DENND1B: variants seen among roughly 807,000 people sequenced by gnomAD.
DENND1B encodes the protein DENN domain containing 1B, also known as DENN domain-containing protein 1B.
Under a neutral mutation model 90.1 loss-of-function variants are expected in DENND1B, and 59 were observed. The ratio of observed to expected loss-of-function variants is 0.65; its 90% CI spans 0.53 to 0.81. The LOEUF is 0.81. DENND1B is among the 40% of genes least tolerant of loss of function. The pLI is 0.00. For synonymous variants in DENND1B, 337 were observed against 324.6 expected, an observed-to-expected ratio of 1.04 and a Z score of -0.41; for missense variants, 862 against 912.6, an observed-to-expected ratio of 0.94 and a Z score of 0.71.
At chr1:197,750,264 A>T (rs997657207) in intron 2 of DENND1B, among the ~76,000 whole-genome samples, 4 of 152,226 alleles carry the variant, frequency 2.6e-5, no homozygotes, top group Admixed American at 6.5e-5. Context: ...CATAATTTTA[A>T]TTCACTGTAG....
chr1:197,672,794 G>C (rs143074178), intron 4 of DENND1B, among the ~76,000 whole-genome samples: 1 of 152,144 alleles, frequency 6.6e-6, no homozygotes, highest in African/African-American at 2.4e-5. Context: ...AAGAATTCTA[G>C]TCAACTTTGA....
At chr1:197,656,165 TCAGA>T (rs1653802152) in intron 6 of DENND1B, among the ~76,000 whole-genome samples, 2 of 152,040 alleles carry the variant, frequency 1.3e-5, no homozygotes, top group African/African-American at 4.8e-5. Context: ...TTTCATCTCT[TCAGA>T]CAAAGAGTGT....
At chr1:197,659,397 CTA>C (rs905558501) in intron 5 of DENND1B, among the ~76,000 whole-genome samples, 1 of 151,724 alleles carries the variant, frequency 6.6e-6, no homozygotes, top group African/African-American at 2.4e-5. Flanking sequence ...TTTAGGTAAA[CTA>C]CAGTATCTTT....
intron 14 of DENND1B, among the ~76,000 whole-genome samples, chr1:197,593,787 G>A (rs1188958400): frequency 1.3e-5 from 2 of 151,936 alleles, no homozygotes; most frequent in South Asian, 4.1e-4. Flanking sequence ...AGATGAATAC[G>A]TACTTAAATA....
intron 15 of DENND1B, among the ~76,000 whole-genome samples, chr1:197,562,454 CAT>C (rs998540113): frequency 2.3e-4 from 35 of 151,786 alleles, no homozygotes; most frequent in African/African-American, 8.2e-4. Context: ...TCATTATAAT[CAT>C]ATTAGAATTA....
chr1:197,776,798 G>A (rs1385648509), upstream of DENND1B, among the ~76,000 whole-genome samples: 3 of 147,968 alleles, frequency 2.0e-5, no homozygotes, highest in Admixed American at 1.4e-4. Flanking sequence ...AAATGAGGAC[G>A]GGCCATAACT....
At chr1:197,614,034 T>C (rs1201682986) in intron 11 of DENND1B, among the ~76,000 whole-genome samples, 1 of 149,828 alleles carries the variant, frequency 6.7e-6, no homozygotes, top group African/African-American at 2.4e-5. Context: ...AGGAAAACTT[T>C]TTTTTTTTTT....
chr1:197,610,929 G>GA (rs1677129056), intron 12 of DENND1B, among the ~76,000 whole-genome samples: 1 of 150,612 alleles, frequency 6.6e-6, no homozygotes, highest in African/African-American at 2.4e-5. Context: ...TTTGTGATAA[G>GA]AAAAAATGCC....
chr1:197,648,899 AT>A (rs1652783430), intron 7 of DENND1B, among the ~76,000 whole-genome samples: 2 of 152,168 alleles, frequency 1.3e-5, no homozygotes, highest in Admixed American at 1.3e-4. Context: ...TGACTCCCAA[AT>A]TTGGGTTAAA....
chr1:197,626,340 A>C (rs1678721170), intron 10 of DENND1B, among the ~76,000 whole-genome samples: 1 of 152,228 alleles, frequency 6.6e-6, no homozygotes, highest in African/African-American at 2.4e-5. Context: ...CCACAGGGCA[A>C]TCGAACTAGA....
intron 3 of DENND1B, among the ~76,000 whole-genome samples, chr1:197,702,934 G>A (rs896696236): frequency 6.6e-6 from 1 of 152,116 alleles, no homozygotes; most frequent in Admixed American, 6.6e-5. Context: ...TTTTTAAAGA[G>A]AAAGAATTAT....
intron 4 of DENND1B, among the ~76,000 whole-genome samples, 195 bp from the exon 5 acceptor site, chr1:197,672,351 C>G (rs980746924): frequency 6.6e-6 from 1 of 151,956 alleles, no homozygotes; most frequent in African/African-American, 2.4e-5. Context: ...GTTGTAATAC[C>G]TCATAGACTG....
chr1:197,607,244 A>T, intron 12 of DENND1B, 70 bp from the exon 13 acceptor site: 1 of 1,064,444 alleles, frequency 9.4e-7, no homozygotes. Flanking sequence ...GAGTTTGGAA[A>T]CAGAAAACAT....
At chr1:197,649,907 G>T (rs553002490) in intron 7 of DENND1B, among the ~76,000 whole-genome samples, 9 of 152,250 alleles carry the variant, frequency 5.9e-5, no homozygotes, top group Admixed American at 2.0e-4. Context: ...CAGGGCAAAA[G>T]GTACAGTAAG....
At chr1:197,644,625 C>T (rs1032634918) in intron 9 of DENND1B, among the ~76,000 whole-genome samples, 4 of 146,526 alleles carry the variant, frequency 2.7e-5, no homozygotes, top group Non-Finnish European at 4.6e-5. Context: ...TCCATTATGT[C>T]ACCTGAGAGC....
intron 18 of DENND1B, among the ~76,000 whole-genome samples, chr1:197,541,257 A>G (rs774288070): frequency 3.9e-5 from 6 of 152,204 alleles, no homozygotes; most frequent in Admixed American, 6.5e-5. Flanking sequence ...AAAGGCTAAC[A>G]TTTAGACTAT....
intron 13 of DENND1B, among the ~76,000 whole-genome samples, chr1:197,600,367 G>A (rs1401377333): frequency 6.6e-6 from 1 of 151,798 alleles, no homozygotes; most frequent in Non-Finnish European, 1.5e-5. Flanking sequence ...GGAACTTGCT[G>A]TATCCGTATG....
chr1:197,676,020 T>G (rs1572282465), intron 3 of DENND1B, among the ~76,000 whole-genome samples: 2 of 137,538 alleles, frequency 1.5e-5, no homozygotes, highest in South Asian at 4.7e-4. Flanking sequence ...TCTTTAAACC[T>G]CCGCACTCTT....
chr1:197,775,274 A>G lies in DENND1B; in HGVS notation c.-119T>C, dbSNP rs1657173330. On this transcript the variant is annotated 5_prime_UTR_variant, in exon 1 of 23. Transcript: ENST00000620048. ...CACGCCGGCGGCCACACAGGGAAAG[A>G]GGCTGCTCACAGCAGCCGTGGCGGC... The G allele has an allele frequency of 7.2e-6, 6 of 833,796 alleles. No homozygotes were observed. The highest frequency in any genetic ancestry group is 7.6e-5 in the East Asian group (2 of 26,162). 51.6% of individuals were successfully genotyped at this position (833,796 alleles called of 1,614,324 possible). A position where few individuals can be genotyped will look rare whatever the true frequency, so the allele number is the denominator to read the frequency against.
Sources: gnomAD v4.1 joint callset for allele counts (sites outside exome capture counted in the v4.1 genomes callset) on GRCh38, gnomAD v4.1.1 for gene constraint, MANE v1.5 for transcripts, NCBI Gene and HGNC (gene_info 2026-07-23, HGNC 2026-07-21) for gene names.